The following CELF4 variants were observed in gnomAD, a reference collection of about 807,000 sequenced individuals.
The protein encoded by CELF4 is CUGBP Elav-like family member 4.
Under a neutral mutation model 59.9 loss-of-function variants are expected in CELF4, and 18 were observed. That is an observed-to-expected ratio of 0.30 (90% CI 0.21 to 0.45). The LOEUF (loss-of-function observed/expected upper bound fraction) is 0.45. CELF4 is among the 20% of genes least tolerant of loss of function. The pLI is 1.00. For synonymous variants in CELF4, 261 were observed against 267.1 expected (o/e 0.98, Z 0.22); for missense variants, 456 against 689.0 (o/e 0.66, Z 3.79).
chr18:37,306,408 G>A (rs17653412), intron 3 of CELF4: 26,827 of 152,494 alleles, frequency 0.18, 2,851 homozygotes, highest in Middle Eastern at 0.25. Flanking sequence ...CACCTGGCTC[G>A]TGGGTGACTT....
intron 2 of CELF4, among the ~76,000 whole-genome samples, chr18:37,347,507 A>T (rs564432209): frequency 6.6e-6 from 1 of 152,044 alleles, no homozygotes; most frequent in Non-Finnish European, 1.5e-5. Context: ...CCTCACAGCC[A>T]CTCAGGTCCC....
chr18:37,446,141 TAAC>T (rs1212258336), intron 2 of CELF4, among the ~76,000 whole-genome samples: 1 of 152,168 alleles, frequency 6.6e-6, no homozygotes. Context: ...AGGAGCGGAC[TAAC>T]GTGGGTGGTG....
intron 2 of CELF4, among the ~76,000 whole-genome samples, chr18:37,378,669 C>A (rs1433493827): frequency 6.6e-6 from 1 of 151,832 alleles, no homozygotes; most frequent in East Asian, 1.9e-4. Context: ...TGGGGGTAAG[C>A]CATGCTTTTA....
rs539824449 is a variant in CELF4 at position 37,365,637 on chromosome 18, C to T, written c.370-43756G>A. Among the ~76,000 whole-genome samples, 15 of 152,060 alleles carry T rather than the reference C, an allele frequency of 9.9e-5. No individual in the cohort carries two copies. In the East Asian group the frequency reaches 1.6e-3, roughly 16 times the overall value. ...AGTGGTTGGGATTACAGGCATCCAC[C>T]GCCACACTCGGCTAATTTTTGTATT... On this transcript the variant is annotated intron_variant, in intron 2 of 12. Transcript: ENST00000420428.
chr18:37,372,861 C>T (rs951520376), intron 2 of CELF4, among the ~76,000 whole-genome samples: 6 of 151,754 alleles, frequency 4.0e-5, no homozygotes, highest in African/African-American at 1.5e-4. Context: ...AGGATGTTCT[C>T]TGGGTGGGGC....
At chr18:37,269,939 C>T (rs1210072827) in intron 8 of CELF4, among the ~76,000 whole-genome samples, 10 of 152,152 alleles carry the variant, frequency 6.6e-5, no homozygotes, top group African/African-American at 2.4e-4. Flanking sequence ...CTGATACTTA[C>T]GGGGACTCTA....
At chr18:37,290,826 T>C (rs1029723263) in intron 3 of CELF4, among the ~76,000 whole-genome samples, 11 of 152,240 alleles carry the variant, frequency 7.2e-5, no homozygotes, top group Admixed American at 2.6e-4. Flanking sequence ...TCTTCCCCTC[T>C]TCTCCTCCTC....
At chr18:37,438,494 G>C (rs1341618276) in intron 2 of CELF4, among the ~76,000 whole-genome samples, 1 of 152,148 alleles carries the variant, frequency 6.6e-6, no homozygotes. Flanking sequence ...GGTAGCAGGA[G>C]GGGCTGGCAC....
chr18:37,400,698 A>G (rs1389511022), intron 2 of CELF4, among the ~76,000 whole-genome samples: 2 of 152,218 alleles, frequency 1.3e-5, no homozygotes, highest in African/African-American at 4.8e-5. Context: ...AGTATTCACA[A>G]AGGCAAGCTG....
chr18:37,556,500 G>T (rs1000828075), intron 1 of CELF4, among the ~76,000 whole-genome samples: 3 of 152,210 alleles, frequency 2.0e-5, no homozygotes, highest in Non-Finnish European at 4.4e-5. Context: ...GGTTTGTGTA[G>T]GTTTGTAGTA....
rs12607920 is a variant in CELF4 at position 37,322,162 on chromosome 18, T to G, written c.370-281A>C. On this transcript the variant is annotated intron_variant, in intron 2 of 12. Transcript: ENST00000420428. Reference sequence around the variant, plus strand: ...TCCGAGCAGCAGCTCCTACTAGCCTTTGATATCAGAATCTGAGGTTGACAG... The same window carrying G: ...TCCGAGCAGCAGCTCCTACTAGCCTGTGATATCAGAATCTGAGGTTGACAG... Among the ~76,000 whole-genome samples, 42,469 of 152,154 alleles carry G rather than the reference T, an allele frequency of 0.28. 5,941 individuals are homozygous for G. Among genetic ancestry groups the G allele is most frequent in the Non-Finnish European group, 0.3 (20,423 of 67,974 alleles).
intron 2 of CELF4, among the ~76,000 whole-genome samples, chr18:37,372,208 A>G (rs930225612): frequency 1.1e-4 from 16 of 152,226 alleles, no homozygotes; most frequent in Non-Finnish European, 1.5e-5. Context: ...ACTATTCACA[A>G]TAGCAAAGAC....
chr18:37,559,665 G>A (rs1351442958), intron 1 of CELF4, among the ~76,000 whole-genome samples: 1 of 152,172 alleles, frequency 6.6e-6, no homozygotes, highest in African/African-American at 2.4e-5. Context: ...GAAGGTGTGA[G>A]CCCTGGACAG....
intron 1 of CELF4, among the ~76,000 whole-genome samples, chr18:37,489,964 G>A (rs1281998528): frequency 1.3e-5 from 2 of 152,080 alleles, no homozygotes; most frequent in African/African-American, 2.4e-5. Context: ...CAGTGGAGTC[G>A]GCAAGGATCC....
At chr18:37,330,491 G>A (rs771489487) in intron 2 of CELF4, among the ~76,000 whole-genome samples, 13 of 152,222 alleles carry the variant, frequency 8.5e-5, no homozygotes, top group Non-Finnish European at 1.9e-4. Context: ...ATAGAGAGGG[G>A]TTAGAGATTC....
intron 2 of CELF4, among the ~76,000 whole-genome samples, chr18:37,451,234 C>T (rs1393700648): frequency 6.6e-6 from 1 of 152,122 alleles, no homozygotes; most frequent in Admixed American, 6.5e-5. Flanking sequence ...GGGGACAGGC[C>T]CATTGTGGGC....
intron 2 of CELF4, among the ~76,000 whole-genome samples, chr18:37,336,713 C>T (rs2097782009): frequency 6.6e-6 from 1 of 152,224 alleles, no homozygotes; most frequent in Non-Finnish European, 1.5e-5. Context: ...AGCAGATCAT[C>T]TCCTTAAAGG....
At chr18:37,384,796 C>T (rs991776245) in intron 2 of CELF4, among the ~76,000 whole-genome samples, 1 of 152,204 alleles carries the variant, frequency 6.6e-6, no homozygotes, top group African/African-American at 2.4e-5. Flanking sequence ...AGGAGCCCCT[C>T]CTGCTTTATC....
At chr18:37,487,018 G>A (rs2099882647) in intron 1 of CELF4, among the ~76,000 whole-genome samples, 1 of 152,210 alleles carries the variant, frequency 6.6e-6, no homozygotes, top group African/African-American at 2.4e-5. Flanking sequence ...CTGAGTGCTC[G>A]CTCTGTGCCA....
Sources: allele counts gnomAD v4.1 joint callset (sites outside exome capture counted in the v4.1 genomes callset), GRCh38; gene constraint gnomAD v4.1.1; transcripts MANE v1.5; gene names NCBI Gene and HGNC (gene_info 2026-07-23, HGNC 2026-07-21).